Variants in RBMS3 observed in about 807,000 individuals in gnomAD.
RBMS3 encodes RNA-binding motif, single-stranded-interacting protein 3.
Under a neutral mutation model 66.8 loss-of-function variants are expected in RBMS3, and 27 were observed. The ratio of observed to expected loss-of-function variants is 0.40; its 90% CI spans 0.30 to 0.56. The LOEUF (loss-of-function observed/expected upper bound fraction) is 0.56. Among genes scored for constraint, RBMS3 ranks in the 20% least tolerant of loss-of-function variants. The pLI, the probability that RBMS3 is intolerant of heterozygous loss-of-function variation, is 0.40. For missense variants in RBMS3, 513 were observed against 549.5 expected, an observed-to-expected ratio of 0.93 and a Z score of 0.66; for synonymous variants, 188 against 183.0, an observed-to-expected ratio of 1.03 and a Z score of -0.22.
At chr3:29,398,994 G>A (rs539170804) in intron 1 of RBMS3, among the ~76,000 whole-genome samples, 68 of 152,254 alleles carry the variant, frequency 4.5e-4, no homozygotes, top group Middle Eastern at 3.4e-3. Flanking sequence ...TCTCCTCAGC[G>A]TTTCCATTTT....
chr3:29,466,329 G>A (rs960358756), intron 2 of RBMS3, among the ~76,000 whole-genome samples: 6 of 152,018 alleles, frequency 3.9e-5, no homozygotes, highest in African/African-American at 1.4e-4. Flanking sequence ...AGCCTCCTGT[G>A]TTTCACACTC....
At chr3:29,869,949 T>C (rs1467066938) in intron 7 of RBMS3, among the ~76,000 whole-genome samples, 1 of 152,140 alleles carries the variant, frequency 6.6e-6, no homozygotes, top group Non-Finnish European at 1.5e-5. Context: ...TCTCAGCAAA[T>C]CCTTTAGCCT....
chr3:29,452,550 C>T (rs1372659776), intron 2 of RBMS3, among the ~76,000 whole-genome samples: 3 of 152,018 alleles, frequency 2.0e-5, no homozygotes, highest in East Asian at 3.8e-4. Context: ...CTAGAATGCC[C>T]GTAAGCCAAC....
At chr3:29,913,017 C>T (rs1193421693) in intron 10 of RBMS3, among the ~76,000 whole-genome samples, 1 of 151,750 alleles carries the variant, frequency 6.6e-6, no homozygotes, top group African/African-American at 2.4e-5. Flanking sequence ...GCTTGAGAGG[C>T]AAATTTCATC....
chr3:29,532,262 GTA>G (rs869225843), intron 3 of RBMS3, among the ~76,000 whole-genome samples: 2,344 of 62,700 alleles, frequency 0.037, 97 homozygotes, highest in Admixed American at 0.088. Flanking sequence ...ATATATATAT[GTA>G]TATATATATA....
At chr3:29,608,085 C>T (rs1362774236) in intron 4 of RBMS3, among the ~76,000 whole-genome samples, 4 of 151,706 alleles carry the variant, frequency 2.6e-5, no homozygotes, top group Non-Finnish European at 4.4e-5. Flanking sequence ...TTACCACTTT[C>T]TCACTCTTCA....
intron 1 of RBMS3, among the ~76,000 whole-genome samples, chr3:29,320,249 C>A (rs1251594614): frequency 2.0e-5 from 3 of 151,934 alleles, no homozygotes; most frequent in Non-Finnish European, 4.4e-5. Flanking sequence ...TATGAAGGAA[C>A]GGAGGTTCTA....
chr3:29,698,218 C>G (rs1576550784), intron 4 of RBMS3: 1 of 985,154 alleles, frequency 1.0e-6, no homozygotes, highest in East Asian at 1.1e-4. Context: ...TTATAAGAGT[C>G]CAGAAAGTTC....
At chr3:29,771,779 C>T (rs891998422) in intron 6 of RBMS3, among the ~76,000 whole-genome samples, 1 of 151,972 alleles carries the variant, frequency 6.6e-6, no homozygotes. Context: ...AAAGGGGAAG[C>T]AGGCATGACC....
rs191635297 is a variant in RBMS3, at chr3:29,974,504, A to T, written c.1099-13639A>T. 3.1e-4 allele frequency among the ~76,000 whole-genome samples: 47 copies of T among 152,020 alleles called. No homozygotes were observed. The East Asian group carries it at 8.3e-3, about 27-fold the overall frequency. On this transcript the variant is annotated intron_variant, in intron 12 of 14. Transcript: ENST00000383767. ...CAATTCACAAATTTACAGCTCAATA[A>T]ATTTTACAAAGTGTAAACATTCATG...
intron 14 of RBMS3, among the ~76,000 whole-genome samples, chr3:29,992,810 AAATTGATCAGATATT>A (rs1043814439): frequency 1.3e-5 from 2 of 152,146 alleles, no homozygotes; most frequent in African/African-American, 4.8e-5. Flanking sequence ...GGGGATGAGA[AAATTGATCAGATATT>A]GAGGGTGGTC....
intron 1 of RBMS3, among the ~76,000 whole-genome samples, chr3:29,338,900 G>A (rs1346580280): frequency 6.6e-6 from 1 of 152,140 alleles, no homozygotes; most frequent in Non-Finnish European, 1.5e-5. Context: ...GAGTGGAACA[G>A]CATCATCAAT....
intron 2 of RBMS3, among the ~76,000 whole-genome samples, chr3:29,471,759 T>C (rs2125799382): frequency 6.7e-6 from 1 of 148,716 alleles, no homozygotes; most frequent in South Asian, 2.1e-4. Flanking sequence ...TCCTTTGATA[T>C]GGCTTTCATA....
chr3:29,388,986 A>G (rs1289537892), intron 1 of RBMS3, among the ~76,000 whole-genome samples: 1 of 152,194 alleles, frequency 6.6e-6, no homozygotes, highest in African/African-American at 2.4e-5. Context: ...TTGATTTGAG[A>G]ATTTGAGAGG....
At chr3:29,304,712 T>C (rs991795608) in intron 1 of RBMS3, among the ~76,000 whole-genome samples, 2 of 151,976 alleles carry the variant, frequency 1.3e-5, no homozygotes, top group African/African-American at 4.8e-5. Flanking sequence ...TCCTAGTCCT[T>C]ACTCATTAAC....
chr3:29,351,978 TTATTGAATA>T (rs2125560341), intron 1 of RBMS3, among the ~76,000 whole-genome samples: 1 of 152,222 alleles, frequency 6.6e-6, no homozygotes, highest in South Asian at 2.1e-4. Context: ...ATTATTGTAA[TTATTGAATA>T]ACTTCTCCGT....
intron 1 of RBMS3, among the ~76,000 whole-genome samples, chr3:29,304,991 C>T (rs1416569772): frequency 1.3e-5 from 2 of 151,900 alleles, no homozygotes; most frequent in African/African-American, 4.8e-5. Flanking sequence ...ATCTTCTCTG[C>T]CCCTGCCCAG....
At chr3:29,933,431 G>T (rs2061182345) in intron 10 of RBMS3, among the ~76,000 whole-genome samples, 1 of 151,952 alleles carries the variant, frequency 6.6e-6, no homozygotes, top group Admixed American at 6.6e-5. Flanking sequence ...TCTCTAAGTT[G>T]TCTGTCCCAG....
intron 12 of RBMS3, among the ~76,000 whole-genome samples, chr3:29,952,246 A>G (rs942098760): frequency 2.0e-5 from 3 of 151,882 alleles, no homozygotes; most frequent in African/African-American, 2.4e-5. Context: ...TTATATCTCT[A>G]TATAGAATTG....
Sources: gnomAD v4.1 joint callset for allele counts (sites outside exome capture counted in the v4.1 genomes callset) on GRCh38, gnomAD v4.1.1 for gene constraint, MANE v1.5 for transcripts, NCBI Gene and HGNC (gene_info 2026-07-23, HGNC 2026-07-21) for gene names.